CNTN5: variants seen among roughly 807,000 people sequenced by gnomAD.
CNTN5 encodes contactin-5.
Under a neutral mutation model 129.1 loss-of-function variants are expected in CNTN5, and 77 were observed. The observed-to-expected ratio is 0.60, with a 90% CI of 0.50 to 0.72. The LOEUF is 0.72. CNTN5 is among the 30% of genes least tolerant of loss of function. CNTN5 has a pLI of 0.00. For synonymous variants in CNTN5, 509 were observed against 465.6 expected, an observed-to-expected ratio of 1.09 and a Z score of -1.20; for missense variants, 1,478 against 1,328.8, an observed-to-expected ratio of 1.11 and a Z score of -1.75.
chr11:99,795,023 G>T (rs959098734), intron 3 of CNTN5, among the ~76,000 whole-genome samples: 2 of 152,164 alleles, frequency 1.3e-5, no homozygotes, highest in Non-Finnish European at 2.9e-5. Context: ...TGTTTTTCAA[G>T]TTACTTGCTT....
intron 13 of CNTN5, among the ~76,000 whole-genome samples, chr11:100,161,829 C>CTACACA (rs879309366): frequency 0.06 from 2,033 of 33,968 alleles, 21 homozygotes; most frequent in African/African-American, 0.098. Context: ...CTGGAGCTTC[C>CTACACA]TACACACACA....
At chr11:99,584,529 G>A (rs557304230) in intron 3 of CNTN5, among the ~76,000 whole-genome samples, 1 of 152,248 alleles carries the variant, frequency 6.6e-6, no homozygotes, top group Non-Finnish European at 1.5e-5. Flanking sequence ...GGGAGCCATG[G>A]CTTACACATG....
chr11:100,254,595 G>A (rs1310924035), intron 16 of CNTN5, among the ~76,000 whole-genome samples: 1 of 152,106 alleles, frequency 6.6e-6, no homozygotes, highest in Admixed American at 6.6e-5. Context: ...AACAAAAAAA[G>A]TTCGTTCCTT....
chr11:99,043,786 A>G (rs10501899), intron 1 of CNTN5, among the ~76,000 whole-genome samples: 11,905 of 152,302 alleles, frequency 0.078, 859 homozygotes, highest in East Asian at 0.23. Flanking sequence ...AATTTAGGAT[A>G]TTAGACGGCA....
chr11:99,358,586 T>C (rs1196850155), intron 2 of CNTN5, among the ~76,000 whole-genome samples: 1 of 151,816 alleles, frequency 6.6e-6, no homozygotes, highest in Non-Finnish European at 1.5e-5. Flanking sequence ...TAAAAATAAA[T>C]TGTCATTCTT....
intron 3 of CNTN5, among the ~76,000 whole-genome samples, chr11:99,773,352 G>A (rs1945008391): frequency 2.6e-5 from 4 of 152,034 alleles, no homozygotes; most frequent in Non-Finnish European, 4.4e-5. Context: ...TTCAATTAGA[G>A]TTTAGTTGCA....
At chr11:99,526,005 CT>C (rs1947470640) in intron 2 of CNTN5, among the ~76,000 whole-genome samples, 1 of 142,344 alleles carries the variant, frequency 7.0e-6, no homozygotes, top group South Asian at 2.3e-4. Context: ...TGTTTTATCA[CT>C]TTTTATATAT....
chr11:100,282,302 A>C (rs984645082), intron 18 of CNTN5, among the ~76,000 whole-genome samples: 2 of 152,094 alleles, frequency 1.3e-5, no homozygotes, highest in Non-Finnish European at 2.9e-5. Context: ...GCTTTAGGGG[A>C]CACCCCAAGC....
rs183329429 is a variant in CNTN5, at chr11:100,060,831, G to A, written c.981-381G>A. Among the ~76,000 whole-genome samples, 79 of 151,556 alleles carry A rather than the reference G, an allele frequency of 5.2e-4. No individual in the cohort carries two copies. The Middle Eastern group carries it at 0.014, about 26-fold the overall frequency. On this transcript the variant is annotated intron_variant, in intron 9 of 24. Transcript: ENST00000524871. ...ATTTTTGTATTTTTTAGTAGAGATGGGGTTTCACCATGTTGCCCAGGCTGG... is the reference window on the plus strand; with the variant it reads ...ATTTTTGTATTTTTTAGTAGAGATGAGGTTTCACCATGTTGCCCAGGCTGG...
At chr11:100,215,307 T>C (rs548041757) in intron 15 of CNTN5, among the ~76,000 whole-genome samples, 1 of 152,296 alleles carries the variant, frequency 6.6e-6, no homozygotes, top group Non-Finnish European at 1.5e-5. Context: ...CCACATGATA[T>C]TGGCATAAAA....
chr11:99,151,096 A>G (rs1860029862), intron 1 of CNTN5, among the ~76,000 whole-genome samples: 1 of 152,146 alleles, frequency 6.6e-6, no homozygotes, highest in African/African-American at 2.4e-5. Flanking sequence ...AGAAGCAAAA[A>G]TCATTGCTCT....
chr11:99,264,783 T>C lies in CNTN5; in HGVS notation c.-209-60563T>C, dbSNP rs114148706. 6.3e-3 allele frequency among the ~76,000 whole-genome samples: 964 copies of C among 152,226 alleles called. 9 individuals are homozygous for C. The highest frequency in any genetic ancestry group is 0.02 in the African/African-American group (851 of 41,562). ...TTGTGTGTATTAGTATAAGATATTG[T>C]CCAAGAACAATTTCTGCAGTAAACT... On this transcript the variant is annotated intron_variant, in intron 1 of 24. Coordinates refer to ENST00000524871, the MANE Select transcript of CNTN5 (RefSeq NM_014361.4).
intron 9 of CNTN5, among the ~76,000 whole-genome samples, chr11:100,045,161 G>T (rs947816954): frequency 6.6e-6 from 1 of 150,848 alleles, no homozygotes; most frequent in Non-Finnish European, 1.5e-5. Flanking sequence ...CTAGGTGATT[G>T]TACAAGAAGA....
At chr11:99,900,159 A>G (rs1195223219) in intron 6 of CNTN5, among the ~76,000 whole-genome samples, 1 of 150,138 alleles carries the variant, frequency 6.7e-6, no homozygotes, top group African/African-American at 2.4e-5. Flanking sequence ...TCAAAGAACC[A>G]AACTTTTACT....
chr11:99,201,595 T>G (rs1846774473), intron 1 of CNTN5, among the ~76,000 whole-genome samples: 1 of 152,044 alleles, frequency 6.6e-6, no homozygotes, highest in South Asian at 2.1e-4. Context: ...TCAGGTGACA[T>G]TAAGATAAAA....
intron 15 of CNTN5, among the ~76,000 whole-genome samples, chr11:100,215,057 G>C (rs1209086893): frequency 6.6e-6 from 1 of 152,180 alleles, no homozygotes; most frequent in Non-Finnish European, 1.5e-5. Context: ...AGAATCCCCA[G>C]TGTGATTTTG....
chr11:99,495,353 G>A (rs2135364358), intron 2 of CNTN5, among the ~76,000 whole-genome samples: 1 of 152,296 alleles, frequency 6.6e-6, no homozygotes. Flanking sequence ...GGGCAACAGA[G>A]CGAGACTTTG....
intron 1 of CNTN5, among the ~76,000 whole-genome samples, chr11:99,128,228 T>A (rs569684807): frequency 2.0e-5 from 3 of 152,214 alleles, no homozygotes; most frequent in African/African-American, 7.2e-5. Context: ...GCCTGGAGTC[T>A]GCCTAAGACT....
At chr11:99,851,420 A>C (rs1238006176) in intron 6 of CNTN5, among the ~76,000 whole-genome samples, 1 of 152,218 alleles carries the variant, frequency 6.6e-6, no homozygotes, top group Non-Finnish European at 1.5e-5. Context: ...TAATTTCCTC[A>C]GCTACTGTAG....
Sources: gnomAD v4.1 joint callset for allele counts (sites outside exome capture counted in the v4.1 genomes callset) on GRCh38, gnomAD v4.1.1 for gene constraint, MANE v1.5 for transcripts, NCBI Gene and HGNC (gene_info 2026-07-23, HGNC 2026-07-21) for gene names.